Variants in PDE10A observed in about 807,000 individuals in gnomAD.
The protein encoded by PDE10A is cAMP and cAMP-inhibited cGMP 3',5'-cyclic phosphodiesterase 10A.
Under a neutral mutation model 97.7 loss-of-function variants are expected in PDE10A, and 39 were observed. The observed-to-expected ratio is 0.40, with a 90% confidence interval of 0.31 to 0.52. The LOEUF is 0.52. Among genes scored for constraint, PDE10A ranks in the 20% least tolerant of loss-of-function variants. The pLI is 0.56. For synonymous variants in PDE10A, 371 were observed against 376.8 expected (o/e 0.98, Z 0.18); for missense variants, 731 against 1,047.8 (o/e 0.70, Z 4.17).
At chr6:165,536,563 T>G (rs1016724733) in intron 2 of PDE10A, among the ~76,000 whole-genome samples, 4 of 147,016 alleles carry the variant, frequency 2.7e-5, no homozygotes, top group Non-Finnish European at 4.5e-5. Context: ...AAAAAATTAA[T>G]AACCTGAACA....
intron 1 of PDE10A, among the ~76,000 whole-genome samples, chr6:165,722,348 C>T (rs144245678): frequency 6.6e-6 from 1 of 152,274 alleles, no homozygotes; most frequent in East Asian, 1.9e-4. Flanking sequence ...CATATTCATG[C>T]TAGAACAATA....
At chr6:165,519,774 A>G (rs1782025256) in intron 2 of PDE10A, among the ~76,000 whole-genome samples, 1 of 152,150 alleles carries the variant, frequency 6.6e-6, no homozygotes, top group African/African-American at 2.4e-5. Context: ...TTTAATATAC[A>G]TATTTATATA....
intron 1 of PDE10A, among the ~76,000 whole-genome samples, chr6:165,975,242 T>C (rs1006087590): frequency 1.3e-5 from 2 of 152,224 alleles, no homozygotes; most frequent in African/African-American, 2.4e-5. Context: ...GGAGCTCTTC[T>C]AAAAGTCCCC....
intron 1 of PDE10A, among the ~76,000 whole-genome samples, chr6:165,821,616 T>G (rs1289754944): frequency 6.6e-6 from 1 of 152,094 alleles, no homozygotes; most frequent in Non-Finnish European, 1.5e-5. Flanking sequence ...CCTCCTGGGT[T>G]CAAGCAATTC....
At chr6:165,750,579 G>A (rs984087540) in intron 1 of PDE10A, among the ~76,000 whole-genome samples, 108 of 152,198 alleles carry the variant, frequency 7.1e-4, no homozygotes, top group African/African-American at 2.6e-3. Flanking sequence ...ATCGCCTCGT[G>A]AGTTCCACAG....
At chr6:165,865,933 A>C (rs935814736) in intron 1 of PDE10A, among the ~76,000 whole-genome samples, 2 of 152,202 alleles carry the variant, frequency 1.3e-5, no homozygotes, top group Non-Finnish European at 2.9e-5. Flanking sequence ...AGGAACCTCA[A>C]ATATCTTCAA....
chr6:165,879,117 G>A (rs1276337526), intron 1 of PDE10A, among the ~76,000 whole-genome samples: 1 of 152,160 alleles, frequency 6.6e-6, no homozygotes, highest in Non-Finnish European at 1.5e-5. Flanking sequence ...ATGTCTCCCA[G>A]CATCTTTTAT....
chr6:165,490,935 A>G (rs1382279732), intron 2 of PDE10A, among the ~76,000 whole-genome samples: 1 of 152,208 alleles, frequency 6.6e-6, no homozygotes, highest in East Asian at 1.9e-4. Context: ...AGCCTGGGGC[A>G]CAGAGCAAGA....
intron 1 of PDE10A, among the ~76,000 whole-genome samples, chr6:165,705,482 A>G (rs560300825): frequency 3.9e-5 from 6 of 152,370 alleles, no homozygotes; most frequent in African/African-American, 1.4e-4. Flanking sequence ...AGCTCCCCAT[A>G]GCACCTAGCT....
At chr6:165,977,993 G>A (rs868217988) in intron 1 of PDE10A, among the ~76,000 whole-genome samples, 16 of 152,218 alleles carry the variant, frequency 1.1e-4, no homozygotes, top group African/African-American at 3.6e-4. Flanking sequence ...TAACGAAGAT[G>A]TGCTTTTCCA....
chr6:165,367,475 T>C (rs921459708), intron 18 of PDE10A, among the ~76,000 whole-genome samples: 1 of 151,862 alleles, frequency 6.6e-6, no homozygotes, highest in African/African-American at 2.4e-5. Context: ...AGAGACATAA[T>C]GGGGCAGAAA....
chr6:165,510,830 T>C (rs1467570869), intron 2 of PDE10A, among the ~76,000 whole-genome samples: 1 of 152,024 alleles, frequency 6.6e-6, no homozygotes, highest in East Asian at 1.9e-4. Context: ...TGCATAACAG[T>C]TTATGATGAT....
chr6:165,714,220 C>A (rs1264096995), intron 1 of PDE10A, among the ~76,000 whole-genome samples: 2 of 152,246 alleles, frequency 1.3e-5, no homozygotes, highest in African/African-American at 2.4e-5. Context: ...CCAAGCTCTG[C>A]GTGGGCAGTC....
At chr6:165,884,504 C>A (rs757196666) in intron 1 of PDE10A, among the ~76,000 whole-genome samples, 10 of 152,182 alleles carry the variant, frequency 6.6e-5, no homozygotes, top group Non-Finnish European at 1.0e-4. Context: ...AAATCAGAAG[C>A]CACGGGTCCT....
intron 3 of PDE10A, among the ~76,000 whole-genome samples, chr6:165,454,903 T>G (rs186066073): frequency 0.088 from 13,443 of 152,126 alleles, 654 homozygotes; most frequent in East Asian, 0.19. Context: ...AATATTTCAC[T>G]GAATTCCCAG....
At chr6:165,928,071 T>C (rs1783001486) in intron 1 of PDE10A, among the ~76,000 whole-genome samples, 1 of 150,802 alleles carries the variant, frequency 6.6e-6, no homozygotes, top group African/African-American at 2.4e-5. Flanking sequence ...TAATTAAACA[T>C]ATTTAATATT....
chr6:165,873,547 G>A (rs1362748249), intron 1 of PDE10A, among the ~76,000 whole-genome samples: 2 of 151,646 alleles, frequency 1.3e-5, no homozygotes, highest in African/African-American at 4.8e-5. Context: ...AACACCTGCT[G>A]ATCTCATTTT....
chr6:165,838,745 T>G (rs187933050), intron 1 of PDE10A, among the ~76,000 whole-genome samples: 2 of 152,346 alleles, frequency 1.3e-5, no homozygotes, highest in Admixed American at 1.3e-4. Context: ...CACTGAAACT[T>G]TTTCTTCTTC....
intron 1 of PDE10A, among the ~76,000 whole-genome samples, chr6:165,974,803 T>TG (rs1266563997): frequency 2.0e-5 from 3 of 152,140 alleles, no homozygotes; most frequent in Non-Finnish European, 1.5e-5. Flanking sequence ...AGGACAGCAA[T>TG]GGTGCCACCT....
Sources: gnomAD v4.1 joint callset for allele counts (sites outside exome capture counted in the v4.1 genomes callset) on GRCh38, gnomAD v4.1.1 for gene constraint, MANE v1.5 for transcripts, NCBI Gene and HGNC (gene_info 2026-07-23, HGNC 2026-07-21) for gene names.